CAMTA1: variants seen among roughly 807,000 people sequenced by gnomAD.
The protein encoded by CAMTA1 is calmodulin binding transcription activator 1.
Under a neutral mutation model 170.9 loss-of-function variants are expected in CAMTA1, and 27 were observed. The observed-to-expected ratio is 0.16, with a 90% confidence interval of 0.12 to 0.22. The LOEUF (loss-of-function observed/expected upper bound fraction) is 0.22. Among genes scored for constraint, CAMTA1 ranks in the 10% least tolerant of loss-of-function variants. The pLI is 1.00. For missense variants in CAMTA1, 1,619 were observed against 2,217.2 expected (o/e 0.73, Z 5.42); for synonymous variants, 833 against 891.5 (o/e 0.93, Z 1.17).
At position 7,272,273 on chromosome 1, in the gene CAMTA1, C is replaced by A. The variant is rs940688918; in HGVS notation, c.438+22647C>A. 2.6e-5 allele frequency among the ~76,000 whole-genome samples: 4 copies of A among 152,232 alleles called. No homozygotes were observed. In the East Asian group the frequency reaches 7.7e-4, roughly 29 times the overall value. ...AAGATCTAAATAAATGAAAAGACATCTCATGTTGTTGGATCACAACACTTA... is the reference window on the plus strand; with the variant it reads ...AAGATCTAAATAAATGAAAAGACATATCATGTTGTTGGATCACAACACTTA... On this transcript the variant is annotated intron_variant, in intron 5 of 22. Transcript: ENST00000303635.
chr1:7,094,092 C>T (rs1039914772), intron 4 of CAMTA1, among the ~76,000 whole-genome samples: 24 of 152,132 alleles, frequency 1.6e-4, no homozygotes, highest in African/African-American at 4.6e-4. Flanking sequence ...TTTGGAAGGA[C>T]GAATTTCTTT....
intron 4 of CAMTA1, among the ~76,000 whole-genome samples, chr1:7,215,497 G>A (rs1289528882): frequency 1.3e-5 from 2 of 152,156 alleles, no homozygotes; most frequent in Middle Eastern, 3.2e-3. Flanking sequence ...AGGTTCAAGC[G>A]ATTTTCCCAC....
At chr1:7,347,505 C>T (rs1454714511) in intron 5 of CAMTA1, among the ~76,000 whole-genome samples, 2 of 152,222 alleles carry the variant, frequency 1.3e-5, no homozygotes, top group Non-Finnish European at 2.9e-5. Flanking sequence ...ACGTTCTCCT[C>T]GCTTGCAGGG....
intron 6 of CAMTA1, among the ~76,000 whole-genome samples, chr1:7,537,237 T>C (rs1436119802): frequency 6.6e-6 from 1 of 152,158 alleles, no homozygotes; most frequent in East Asian, 1.9e-4. Flanking sequence ...ATCAGGGCTG[T>C]CTTTGGAAAG....
intron 6 of CAMTA1, among the ~76,000 whole-genome samples, chr1:7,470,638 G>A (rs1240534084): frequency 6.6e-6 from 1 of 152,150 alleles, no homozygotes; most frequent in Non-Finnish European, 1.5e-5. Context: ...CCCTGCAGGG[G>A]GTGAGCCTTC....
intron 4 of CAMTA1, among the ~76,000 whole-genome samples, chr1:7,208,501 A>G (rs1450249987): frequency 6.6e-6 from 1 of 152,210 alleles, no homozygotes; most frequent in African/African-American, 2.4e-5. Context: ...TGAAAGCTAC[A>G]TAGGGCAGGG....
At chr1:6,858,679 T>G (rs1663439341) in intron 3 of CAMTA1, among the ~76,000 whole-genome samples, 1 of 152,180 alleles carries the variant, frequency 6.6e-6, no homozygotes, top group African/African-American at 2.4e-5. Flanking sequence ...TTTGTGTGTC[T>G]GAAATCGTAT....
intron 3 of CAMTA1, among the ~76,000 whole-genome samples, chr1:7,088,288 T>C (rs1052818397): frequency 6.6e-6 from 1 of 151,734 alleles, no homozygotes; most frequent in African/African-American, 2.4e-5. Context: ...TGGCGGGTGA[T>C]GTAGGTAGTT....
chr1:6,887,801 C>T lies in CAMTA1; in HGVS notation c.234+62591C>T. On this transcript the variant is annotated intron_variant, in intron 3 of 22. Transcript: ENST00000303635. The surrounding 1 kb of genome is among the most constrained non-coding windows in gnomAD (Gnocchi z 4.1). Reference sequence around the variant, plus strand: ...GCCAGCCCCATGTCTGGCTTTAAGACAGTTCTATTAGTGAATTAACTGTTC... The same window carrying T: ...GCCAGCCCCATGTCTGGCTTTAAGATAGTTCTATTAGTGAATTAACTGTTC... 3 of 1,518,958 alleles carry T rather than the reference C, an allele frequency of 2.0e-6. No homozygotes were observed. In the Admixed American group the frequency reaches 6.3e-5, roughly 32 times the overall value. The allele number at this position is 1,518,958 out of a possible 1,614,324, so 94.1% of individuals were successfully genotyped here.
rs1454212298 is a variant in CAMTA1 at position 7,674,179 on chromosome 1, C to A, written c.2779+3142C>A. Among the ~76,000 whole-genome samples, 1 of 152,220 alleles carries A rather than the reference C, an allele frequency of 6.6e-6. No homozygotes were observed. The highest frequency in any genetic ancestry group is 1.5e-5 in the Non-Finnish European group (1 of 68,048). ...CAATGCCCACCCGTCTCCCAACACACCTGCCCAAGCAAAACAGATGAGCAG... is the reference window on the plus strand; with the variant it reads ...CAATGCCCACCCGTCTCCCAACACAACTGCCCAAGCAAAACAGATGAGCAG... On this transcript the variant is annotated intron_variant, in intron 10 of 22. Transcript: ENST00000303635. The surrounding 1 kb of genome is among the most constrained non-coding windows in gnomAD (Gnocchi z 4.1).
chr1:7,579,264 G>A (rs988744546), intron 6 of CAMTA1, among the ~76,000 whole-genome samples: 5 of 152,338 alleles, frequency 3.3e-5, no homozygotes, highest in East Asian at 1.9e-4. Context: ...CATGGTTGCC[G>A]TCCCTGGCCT....
intron 3 of CAMTA1, among the ~76,000 whole-genome samples, chr1:6,833,479 A>G (rs1250952869): frequency 6.6e-6 from 1 of 152,246 alleles, no homozygotes; most frequent in East Asian, 1.9e-4. Context: ...AATGCAATAG[A>G]TGATGTTTTG....
intron 12 of CAMTA1, among the ~76,000 whole-genome samples, chr1:7,734,411 G>A (rs1460837870): frequency 1.3e-5 from 2 of 152,128 alleles, no homozygotes; most frequent in East Asian, 1.9e-4. Context: ...TGGCTCAAAC[G>A]CTATGCAACT....
intron 6 of CAMTA1, among the ~76,000 whole-genome samples, chr1:7,539,516 G>A (rs577742285): frequency 2.6e-4 from 40 of 152,228 alleles, no homozygotes; most frequent in Non-Finnish European, 4.8e-4. Flanking sequence ...GGGCTATTGC[G>A]CTGAACCATT....
chr1:6,902,073 A>ACACACACACACACACACAC (rs772368106), intron 3 of CAMTA1, among the ~76,000 whole-genome samples: 2 of 78,498 alleles, frequency 2.5e-5, no homozygotes, highest in African/African-American at 7.8e-5. Context: ...ACACACACAC[A>ACACACACACACACACACAC]AAAAAAAAAA....
At chr1:7,419,039 A>G (rs1275390105) in intron 5 of CAMTA1, among the ~76,000 whole-genome samples, 1 of 152,206 alleles carries the variant, frequency 6.6e-6, no homozygotes, top group Non-Finnish European at 1.5e-5. Flanking sequence ...CGGCCTCTGT[A>G]TTCCTAACCT....
At chr1:7,505,515 G>T (rs2478270) in intron 6 of CAMTA1, among the ~76,000 whole-genome samples, 57,121 of 152,046 alleles carry the variant, frequency 0.38, 11,711 homozygotes, top group African/African-American at 0.54. Flanking sequence ...AGCTTGTGCA[G>T]GCCCAGATGG....
intron 5 of CAMTA1, among the ~76,000 whole-genome samples, chr1:7,264,096 C>T (rs1265515876): frequency 2.0e-5 from 3 of 152,126 alleles, no homozygotes; most frequent in Admixed American, 6.5e-5. Context: ...CTGGGAGGGG[C>T]CCAGGAAGGG....
intron 5 of CAMTA1, among the ~76,000 whole-genome samples, chr1:7,417,861 G>A (rs1575206362): frequency 6.6e-6 from 1 of 152,166 alleles, no homozygotes; most frequent in Non-Finnish European, 1.5e-5. Flanking sequence ...CCCGTCTTCT[G>A]TGTCGCTCAC....
Sources: allele counts gnomAD v4.1 joint callset (sites outside exome capture counted in the v4.1 genomes callset), GRCh38; gene constraint gnomAD v4.1.1; non-coding constraint Gnocchi (gnomAD v3.1); transcripts MANE v1.5; gene names NCBI Gene and HGNC (gene_info 2026-07-23, HGNC 2026-07-21).